Variants in RIMBP2 observed in about 807,000 individuals in gnomAD.
The protein encoded by RIMBP2 is RIMS binding protein 2.
In RIMBP2, 48 loss-of-function variants were observed where a neutral mutation model predicts 118.6. The observed-to-expected ratio is 0.40, with a 90% CI of 0.32 to 0.51. The LOEUF is 0.51. Ranked by LOEUF, RIMBP2 falls within the 20% of genes least tolerant of loss-of-function variation. RIMBP2 has a pLI of 0.41. For synonymous variants in RIMBP2, 762 were observed against 742.9 expected (o/e 1.03, Z -0.42); for missense variants, 1,551 against 1,768.3 (o/e 0.88, Z 2.20).
At chr12:130,453,616 CGTG>C (rs1195798786) in intron 7 of RIMBP2, among the ~76,000 whole-genome samples, 5 of 152,226 alleles carry the variant, frequency 3.3e-5, no homozygotes, top group Non-Finnish European at 7.3e-5. Flanking sequence ...CCCCCACTCA[CGTG>C]GGAAACCTCA....
intron 19 of RIMBP2, 148 bp from the exon 20 acceptor site, chr12:130,407,977 A>G (rs991369367): frequency 1.4e-6 from 1 of 696,268 alleles, no homozygotes; most frequent in African/African-American, 1.8e-5. Context: ...TCACATCAGC[A>G]AACGTCTCTA....
rs527490972 is a variant in RIMBP2, at chr12:130,450,691, C to G, written c.505-415G>C. Among the ~76,000 whole-genome samples the G allele has an allele frequency of 1.2e-3, 187 of 150,796 alleles. 1 individual carries two copies. The highest frequency in any genetic ancestry group is 4.1e-3 in the African/African-American group (167 of 40,860). The stretch of plus-strand genomic sequence containing the variant: ...AGTGCATTCCCCACACAAGCTGGAA[C>G]AGTCTTTAAGCAGGAATTAGACCAC... On this transcript the variant is annotated intron_variant, in intron 8 of 22. Coordinates refer to ENST00000690449, the MANE Select transcript of RIMBP2 (RefSeq NM_001393629.1). This position sits in a 1 kb window ranked among gnomAD's most constrained non-coding sequence, Gnocchi z 4.8.
At chr12:130,682,495 T>C (rs1282014105) in intron 1 of RIMBP2, among the ~76,000 whole-genome samples, 2 of 152,264 alleles carry the variant, frequency 1.3e-5, no homozygotes, top group Admixed American at 6.5e-5. Flanking sequence ...CGCTTATGGA[T>C]GTGAGCAACT....
intron 2 of RIMBP2, among the ~76,000 whole-genome samples, chr12:130,553,835 C>T (rs1379283040): frequency 6.6e-6 from 1 of 152,144 alleles, no homozygotes; most frequent in African/African-American, 2.4e-5. Flanking sequence ...TCTCTGTCTC[C>T]CCAAACTCTA....
chr12:130,690,364 T>C (rs1383932512), intron 1 of RIMBP2, among the ~76,000 whole-genome samples: 1 of 152,164 alleles, frequency 6.6e-6, no homozygotes, highest in African/African-American at 2.4e-5. Context: ...CAGAAACTGG[T>C]GCTCTTTCCT....
chr12:130,497,320 G>A (rs1413261577), intron 4 of RIMBP2, among the ~76,000 whole-genome samples: 1 of 152,102 alleles, frequency 6.6e-6, no homozygotes, highest in Non-Finnish European at 1.5e-5. Flanking sequence ...TGCTCCCTGG[G>A]CTCCGTAATC....
chr12:130,610,102 A>T (rs999705036), intron 2 of RIMBP2, among the ~76,000 whole-genome samples: 1 of 150,762 alleles, frequency 6.6e-6, no homozygotes, highest in Admixed American at 6.8e-5. Flanking sequence ...ACGGGGGGAA[A>T]ATGGGAAGCC....
intron 2 of RIMBP2, among the ~76,000 whole-genome samples, chr12:130,532,992 C>T (rs1227032821): frequency 3.1e-5 from 4 of 130,922 alleles, no homozygotes; most frequent in Admixed American, 8.0e-5. Context: ...TAATGAGATG[C>T]GTATGTTTAG....
intron 3 of RIMBP2, among the ~76,000 whole-genome samples, chr12:130,509,103 A>G (rs1323459185): frequency 6.6e-6 from 1 of 152,148 alleles, no homozygotes; most frequent in Non-Finnish European, 1.5e-5. Context: ...CCCCTTAGAA[A>G]GGCTGCTGGC....
chr12:130,412,566 G>A, intron 19 of RIMBP2, 53 bp downstream of exon 19: 1 of 1,533,078 alleles, frequency 6.5e-7, no homozygotes, highest in Non-Finnish European at 9.0e-7. Context: ...TGAGCGGCAG[G>A]TGTTTTGTGG....
intron 2 of RIMBP2, among the ~76,000 whole-genome samples, chr12:130,527,800 C>T (rs1262844061): frequency 1.3e-5 from 2 of 150,904 alleles, no homozygotes; most frequent in African/African-American, 4.9e-5. Flanking sequence ...AGAAACTTCT[C>T]AAAAGAAGAC....
intron 11 of RIMBP2, among the ~76,000 whole-genome samples, chr12:130,438,796 A>G (rs2077752727): frequency 1.3e-5 from 2 of 151,806 alleles, no homozygotes; most frequent in South Asian, 4.2e-4. Flanking sequence ...CTGTGGAACC[A>G]CCTCCTTACC....
chr12:130,416,297 A>C (rs1027888526), intron 17 of RIMBP2, among the ~76,000 whole-genome samples: 1 of 152,240 alleles, frequency 6.6e-6, no homozygotes, highest in Non-Finnish European at 1.5e-5. Context: ...ACAAATCCGG[A>C]GGCATCACAT....
chr12:130,580,609 G>A (rs1362644292), intron 2 of RIMBP2, among the ~76,000 whole-genome samples: 1 of 152,208 alleles, frequency 6.6e-6, no homozygotes, highest in Non-Finnish European at 1.5e-5. Context: ...TTGATATTTT[G>A]TTCATCAGGG....
intron 6 of RIMBP2, among the ~76,000 whole-genome samples, chr12:130,463,881 G>C (rs1310525357): frequency 2.0e-5 from 3 of 151,914 alleles, no homozygotes; most frequent in Non-Finnish European, 4.4e-5. Flanking sequence ...GAGCCACCGA[G>C]ACCCACCAAA....
intron 2 of RIMBP2, among the ~76,000 whole-genome samples, chr12:130,553,056 G>A (rs569593595): frequency 7.2e-4 from 110 of 152,126 alleles, no homozygotes; most frequent in Non-Finnish European, 1.3e-3. Flanking sequence ...GGGAGGCTGA[G>A]GCAGGAGAAT....
chr12:130,442,456 G>C lies in RIMBP2; in HGVS notation c.896C>G (p.Ala299Gly), dbSNP rs987136804. ...HIDAGITDNS[A>G]GTLDVNIDDI... ...GTCGATGTTCACGTCCAGGGTCCCG[G>C]CACTGTTGTCGGTGATGCCCGCATC... Residue 299 changes from alanine (A) to glycine (G), a missense_variant, in exon 11 of 23, where the codon GCC (alanine) becomes GGC (glycine). By Grantham distance (60) the Ala-to-Gly change is moderately conservative (BLOSUM62 0). Coordinates refer to ENST00000690449, the MANE Select transcript of RIMBP2 (RefSeq NM_001393629.1). This position sits in a 1 kb window ranked among gnomAD's most constrained non-coding sequence, Gnocchi z 6.9. 8.1e-6 allele frequency: 13 copies of C among 1,614,062 alleles called. No individual in the cohort carries two copies. The Admixed American group carries it at 1.3e-4, about 17-fold the overall frequency.
In RIMBP2 at chr12:130,463,218, C is replaced by A. The variant is rs1394968104; in HGVS notation, c.154-6518G>T. Among the ~76,000 whole-genome samples, 6 of 152,192 alleles carry A rather than the reference C, an allele frequency of 3.9e-5. No individual in the cohort carries two copies. The East Asian group carries it at 9.7e-4, about 25-fold the overall frequency. ...TTTATTTCCGGATACAGAGTGCTGT[C>A]CTGTCTGGGTTTGGGACTGGGCCTG... On this transcript the variant is annotated intron_variant, in intron 6 of 22. Coordinates refer to ENST00000690449, the MANE Select transcript of RIMBP2 (RefSeq NM_001393629.1).
Position 130,710,382 on chromosome 12 carries a change from T to C in RIMBP2, c.-352+5840A>G, listed in dbSNP as rs1566474999. ...ACTCCATCAGGGCAGCTGTCTCTGG[T>C]GTAGTGATTATTCATTCACTTGCCC... On this transcript the variant is annotated intron_variant, in intron 1 of 22. Transcript: ENST00000690449. The surrounding 1 kb of genome is among the most constrained non-coding windows in gnomAD (Gnocchi z 4.3). Among the ~76,000 whole-genome samples the C allele has an allele frequency of 6.6e-6, 1 of 152,002 alleles. No homozygotes were observed. Among genetic ancestry groups the C allele is most frequent in the East Asian group, 1.9e-4 (1 of 5,160 alleles).
Sources: gnomAD v4.1 joint callset for allele counts (sites outside exome capture counted in the v4.1 genomes callset) on GRCh38, gnomAD v4.1.1 for gene constraint, Gnocchi (gnomAD v3.1) non-coding constraint, MANE v1.5 for transcripts, NCBI Gene and HGNC (gene_info 2026-07-23, HGNC 2026-07-21) for gene names.